The following CAPZB variants were observed in gnomAD, a reference collection of about 807,000 sequenced individuals.
The protein encoded by CAPZB is capping actin protein of muscle Z-line subunit beta, also known as F-actin-capping protein subunit beta.
In CAPZB, 2 loss-of-function variants were observed where a neutral mutation model predicts 38.1. The observed-to-expected ratio is 0.05, with a 90% confidence interval of 0.02 to 0.17. CAPZB has a LOEUF of 0.17. CAPZB is among the 10% of genes least tolerant of loss of function. The pLI, the probability that CAPZB is intolerant of heterozygous loss-of-function variation, is 1.00. For synonymous variants in CAPZB, 107 were observed against 127.4 expected (o/e 0.84, Z 1.08); for missense variants, 161 against 334.2 (o/e 0.48, Z 4.04).
intron 6 of CAPZB, among the ~76,000 whole-genome samples, chr1:19,349,318 G>C (rs956084148): frequency 6.6e-6 from 1 of 152,126 alleles, no homozygotes; most frequent in Non-Finnish European, 1.5e-5. Context: ...CAGCTCGGCA[G>C]GCAGGGAAGC....
At chr1:19,449,192 G>C (rs908311062) in intron 1 of CAPZB, 1 of 1,202,010 alleles carries the variant, frequency 8.3e-7, no homozygotes. Flanking sequence ...CTCTGAGCAG[G>C]CCTGAAAGGT....
chr1:19,464,291 T>A (rs1378812374), intron 1 of CAPZB, among the ~76,000 whole-genome samples: 2 of 125,334 alleles, frequency 1.6e-5, no homozygotes, highest in Non-Finnish European at 3.3e-5. Flanking sequence ...CTCTGAAGAT[T>A]TTTTTTTTTT....
chr1:19,342,338 A>C (rs1490701936), intron 8 of CAPZB, among the ~76,000 whole-genome samples: 1 of 152,208 alleles, frequency 6.6e-6, no homozygotes, highest in Admixed American at 6.5e-5. Context: ...GGGGAGGCTT[A>C]TGTGGCTTCT....
intron 3 of CAPZB, among the ~76,000 whole-genome samples, chr1:19,381,865 C>T (rs1160510391): frequency 6.6e-6 from 1 of 152,026 alleles, no homozygotes; most frequent in Non-Finnish European, 1.5e-5. Flanking sequence ...AGCCTCTCAT[C>T]AGATCTCAGA....
At chr1:19,358,224 G>T (rs552674989) in intron 4 of CAPZB, among the ~76,000 whole-genome samples, 1 of 152,246 alleles carries the variant, frequency 6.6e-6, no homozygotes, top group African/African-American at 2.4e-5. Flanking sequence ...TGCAACCTCC[G>T]CCTCCCAGGT....
intron 1 of CAPZB, among the ~76,000 whole-genome samples, chr1:19,470,175 C>T (rs1260570193): frequency 1.3e-5 from 2 of 152,134 alleles, no homozygotes; most frequent in East Asian, 1.9e-4. Context: ...GCTGTCACCA[C>T]GCCACTGCAC....
At chr1:19,394,701 G>T (rs1379353839) in intron 2 of CAPZB, among the ~76,000 whole-genome samples, 2 of 152,134 alleles carry the variant, frequency 1.3e-5, no homozygotes, top group African/African-American at 4.8e-5. Flanking sequence ...GGGTGACAGA[G>T]CAAGACTCTG....
intron 2 of CAPZB, among the ~76,000 whole-genome samples, chr1:19,411,527 T>A (rs915671551): frequency 1.2e-4 from 18 of 152,122 alleles, no homozygotes; most frequent in African/African-American, 4.8e-5. Flanking sequence ...CAGTCTTTGC[T>A]CCCCAAGGAA....
At chr1:19,397,714 T>C (rs2094279674) in intron 2 of CAPZB, among the ~76,000 whole-genome samples, 1 of 152,250 alleles carries the variant, frequency 6.6e-6, no homozygotes, top group South Asian at 2.1e-4. Flanking sequence ...TACTAAGGGT[T>C]AGGCCTGGCC....
chr1:19,436,169 C>T (rs1376930416), intron 1 of CAPZB, among the ~76,000 whole-genome samples: 2 of 152,146 alleles, frequency 1.3e-5, no homozygotes, highest in Non-Finnish European at 2.9e-5. Context: ...TGGAAAATTC[C>T]ACAAACAATT....
Position 19,363,645 on chromosome 1 carries a change from TG to T in CAPZB, c.330-6083del, listed in dbSNP as rs568767619. On this transcript the variant is annotated intron_variant, in intron 4 of 8. Coordinates refer to ENST00000264202, the MANE Select transcript of CAPZB (RefSeq NM_004930.5). ...AAATGTTTCAGCTCCAAAAGCTTTA[TG>T]GAGTGTCTGAAGCTGAGGTGTGCGT... Among the ~76,000 whole-genome samples, 258 of 152,306 alleles carry T rather than the reference TG, an allele frequency of 1.7e-3. 1 individual carries two copies. Among genetic ancestry groups the T allele is most frequent in the African/African-American group, 5.1e-3 (213 of 41,564 alleles).
In CAPZB at chr1:19,339,070, C is replaced by A. The variant is rs1283147726; in HGVS notation, c.*460G>T. ...GAGCTGTCCCCTGTCCCCACGACCC[C>A]CAACCCCAAGCAACTCCCAAACACA... On this transcript the variant is annotated 3_prime_UTR_variant, in exon 9 of 9. Transcript: ENST00000264202. 6.0e-6 allele frequency: 1 copy of A among 166,090 alleles called. No individual in the cohort carries two copies. The highest frequency in any genetic ancestry group is 1.3e-5 in the Non-Finnish European group (1 of 76,656). 10.3% of individuals were successfully genotyped at this position (166,090 alleles called of 1,614,324 possible).
chr1:19,345,000 G>A (rs114197650), intron 7 of CAPZB, among the ~76,000 whole-genome samples, 187 bp downstream of exon 7: 2,793 of 152,302 alleles, frequency 0.018, 39 homozygotes, highest in Middle Eastern at 0.071. Context: ...CCTGAAGCTG[G>A]AGCCTGCTGG....
At chr1:19,422,380 T>C (rs2094404637) in intron 1 of CAPZB, among the ~76,000 whole-genome samples, 1 of 152,156 alleles carries the variant, frequency 6.6e-6, no homozygotes. Context: ...AATAATTGGT[T>C]TGGGGGCTGC....
At position 19,342,977 on chromosome 1, in the gene CAPZB, G is replaced by T. The variant is rs184373507; in HGVS notation, c.731+1381C>A. ...TTCAGGGAGACCCACGAGGCGGAAG[G>T]GGGGATGCCGTGGCGGCTCTGGGGT... On this transcript the variant is annotated intron_variant, in intron 8 of 8. Transcript: ENST00000264202. 1,597 of 723,958 alleles carry T rather than the reference G, an allele frequency of 2.2e-3. 8 individuals carry two copies. Among genetic ancestry groups the T allele is most frequent in the Non-Finnish European group, 3.2e-3 (1,266 of 400,432 alleles). The allele number at this position is 723,958 out of a possible 1,614,324, so 44.8% of individuals were successfully genotyped here.
intron 1 of CAPZB, among the ~76,000 whole-genome samples, chr1:19,467,058 T>TTTTATTTA (rs34677425): frequency 2.5e-4 from 38 of 150,810 alleles, no homozygotes; most frequent in Middle Eastern, 3.4e-3. Context: ...CACACCCAGC[T>TTTTATTTA]TTTATTTATT....
intron 1 of CAPZB, among the ~76,000 whole-genome samples, chr1:19,433,990 A>G (rs145697194): frequency 2.0e-5 from 3 of 152,334 alleles, no homozygotes; most frequent in African/African-American, 7.2e-5. Context: ...AAAGTTTTAA[A>G]CATATTTTAG....
At chr1:19,406,363 C>T (rs1399866715) in intron 2 of CAPZB, among the ~76,000 whole-genome samples, 2 of 152,148 alleles carry the variant, frequency 1.3e-5, no homozygotes, top group African/African-American at 2.4e-5. Context: ...CTTGTTACCA[C>T]GGATGCTTCC....
rs536285317 is a variant in CAPZB, at chr1:19,442,748, G to A, written c.4-22998C>T. On this transcript the variant is annotated intron_variant, in intron 1 of 8. Coordinates refer to ENST00000264202, the MANE Select transcript of CAPZB (RefSeq NM_004930.5). ...TCAAAAATCACCAAAAAACCCTTTG[G>A]CTTGGACAGCTTTTCCTTCCCTGGC... 3.3e-5 allele frequency among the ~76,000 whole-genome samples: 5 copies of A among 152,238 alleles called. No individual in the cohort carries two copies. In the East Asian group the frequency reaches 7.7e-4, roughly 24 times the overall value.
Sources: gnomAD v4.1 joint callset for allele counts (sites outside exome capture counted in the v4.1 genomes callset) on GRCh38, gnomAD v4.1.1 for gene constraint, MANE v1.5 for transcripts, NCBI Gene and HGNC (gene_info 2026-07-23, HGNC 2026-07-21) for gene names.